Variants in KATNBL1 observed in about 807,000 individuals in gnomAD.
The protein encoded by KATNBL1 is KATNB1-like protein 1.
A neutral mutation model predicts 44.7 loss-of-function variants in KATNBL1; 28 were observed. The ratio of observed to expected loss-of-function variants is 0.63; its 90% CI spans 0.46 to 0.86. The LOEUF (loss-of-function observed/expected upper bound fraction) is 0.86, where lower values mean the gene tolerates loss of function less well. Ranked by LOEUF, KATNBL1 falls within the 40% of genes least tolerant of loss-of-function variation. The probability of loss-of-function intolerance (pLI) is 0.00; values close to 1 mark genes in which losing one functional copy is unlikely to be tolerated. For missense variants in KATNBL1, 272 were observed against 350.7 expected (o/e 0.78, Z 1.79); for synonymous variants, 78 against 114.9 (o/e 0.68, Z 2.06).
At chr15:34,142,528 G>T in intron 9 of KATNBL1, 157 bp from the exon 10 acceptor site, 1 of 707,860 alleles carries the variant, frequency 1.4e-6, no homozygotes, top group Non-Finnish European at 2.2e-6. Context: ...ATCTGCATTT[G>T]TTCAGCACAG....
At chr15:34,148,330 C>T (rs1888369765) in intron 5 of KATNBL1, 1 of 191,370 alleles carries the variant, frequency 5.2e-6, no homozygotes, top group Non-Finnish European at 1.1e-5. Context: ...TCTACTGAAG[C>T]TACATATAGG....
chr15:34,187,152 G>A (rs1170698195), intron 1 of KATNBL1, among the ~76,000 whole-genome samples: 1 of 152,182 alleles, frequency 6.6e-6, no homozygotes, highest in East Asian at 1.9e-4. Flanking sequence ...AGGAGTACCC[G>A]CTCCGCTGAA....
chr15:34,154,825 A>G lies in KATNBL1; in HGVS notation c.118-141T>C, dbSNP rs1888589304. ...GCCAATCGTGCCTGGAGTGGTCGCA[A>G]GAGCATACCGGGCATGGGAGGAGAA... On this transcript the variant is annotated intron_variant, in intron 2 of 9. Coordinates refer to ENST00000256544, the MANE Select transcript of KATNBL1 (RefSeq NM_024713.3). 5 of 642,898 alleles carry G rather than the reference A, an allele frequency of 7.8e-6. No homozygotes were observed. In the East Asian group the frequency reaches 1.4e-4, roughly 18 times the overall value. 39.8% of individuals were successfully genotyped at this position (642,898 alleles called of 1,614,324 possible).
rs543487040 is a variant in KATNBL1 at position 34,142,261 on chromosome 15, C to T, written c.*78G>A. On this transcript the variant is annotated 3_prime_UTR_variant, in exon 10 of 10. Coordinates refer to ENST00000256544, the MANE Select transcript of KATNBL1 (RefSeq NM_024713.3). The stretch of plus-strand genomic sequence containing the variant: ...TCTTCCACAGTTCACAGTTCTCAGA[C>T]GAGACTTTTTTTTTTTGTAAATTAT... 51 of 1,322,938 alleles carry T rather than the reference C, an allele frequency of 3.9e-5. No individual in the cohort carries two copies. The highest frequency in any genetic ancestry group is 1.3e-4 in the Admixed American group (4 of 30,556). The allele number at this position is 1,322,938 out of a possible 1,614,324, so 81.9% of individuals were successfully genotyped here.
chr15:34,207,102 T>C (rs1890315849), intron 1 of KATNBL1, among the ~76,000 whole-genome samples: 1 of 151,738 alleles, frequency 6.6e-6, no homozygotes. Flanking sequence ...TGCAGTGATA[T>C]GATCATGGCT....
At chr15:34,184,349 C>A (rs1293176185) in intron 1 of KATNBL1, among the ~76,000 whole-genome samples, 1 of 150,754 alleles carries the variant, frequency 6.6e-6, no homozygotes, top group East Asian at 2.0e-4. Flanking sequence ...CACCTGTGGT[C>A]TCAGCCACTC....
At chr15:34,176,385 A>T (rs1889333918) in intron 1 of KATNBL1, among the ~76,000 whole-genome samples, 2 of 152,200 alleles carry the variant, frequency 1.3e-5, no homozygotes, top group Admixed American at 1.3e-4. Flanking sequence ...TCTCAAAAAA[A>T]AAAAGTAGTA....
intron 9 of KATNBL1, among the ~76,000 whole-genome samples, chr15:34,144,195 C>T (rs1888241925): frequency 6.6e-6 from 1 of 151,604 alleles, no homozygotes; most frequent in Admixed American, 6.6e-5. Context: ...CTCCCATTTG[C>T]TTTTCTTCCC....
chr15:34,148,420 C>A, intron 5 of KATNBL1: 1 of 363,540 alleles, frequency 2.8e-6, no homozygotes, highest in African/African-American at 2.1e-5. Flanking sequence ...TCATGTCTTC[C>A]AAAAAATTTT....
intron 2 of KATNBL1, among the ~76,000 whole-genome samples, chr15:34,155,828 T>C (rs1048366309): frequency 3.3e-5 from 5 of 152,214 alleles, no homozygotes; most frequent in African/African-American, 1.2e-4. Context: ...TTTTTATTAA[T>C]TGTCACCCAC....
intron 1 of KATNBL1, among the ~76,000 whole-genome samples, chr15:34,189,434 A>G (rs533898698): frequency 2.0e-5 from 3 of 152,364 alleles, no homozygotes; most frequent in South Asian, 2.1e-4. Flanking sequence ...AATAAGTCTA[A>G]TAAGTCTCTC....
At chr15:34,193,628 G>C (rs1889949725) in intron 1 of KATNBL1, among the ~76,000 whole-genome samples, 1 of 151,906 alleles carries the variant, frequency 6.6e-6, no homozygotes, top group African/African-American at 2.4e-5. Flanking sequence ...AATGCAGTTG[G>C]GTCGCTTGAG....
At chr15:34,168,344 A>C (rs1889049587) in intron 1 of KATNBL1, among the ~76,000 whole-genome samples, 1 of 152,146 alleles carries the variant, frequency 6.6e-6, no homozygotes. Context: ...GACAAAGAAG[A>C]CCATTATATA....
chr15:34,181,404 G>A (rs972842395), intron 1 of KATNBL1, among the ~76,000 whole-genome samples: 1 of 151,320 alleles, frequency 6.6e-6, no homozygotes, highest in Non-Finnish European at 1.5e-5. Flanking sequence ...AAATATCGAA[G>A]ACATACTCTC....
chr15:34,187,542 A>T (rs1889750738), intron 1 of KATNBL1, among the ~76,000 whole-genome samples: 1 of 152,190 alleles, frequency 6.6e-6, no homozygotes, highest in Non-Finnish European at 1.5e-5. Context: ...TATAGTTTTC[A>T]TCTGAAATAC....
At chr15:34,169,605 C>T (rs1889095971) in intron 1 of KATNBL1, among the ~76,000 whole-genome samples, 1 of 152,152 alleles carries the variant, frequency 6.6e-6, no homozygotes, top group Non-Finnish European at 1.5e-5. Context: ...CAGCATCATC[C>T]TGATACCAAA....
In KATNBL1 at chr15:34,142,299, T is replaced by C; in HGVS notation, c.*40A>G. 1.3e-6 allele frequency: 2 copies of C among 1,572,962 alleles called. No homozygotes were observed. Among genetic ancestry groups the C allele is most frequent in the East Asian group, 4.5e-5 (2 of 44,242 alleles). ...TTTTGTAAATTATACAGTTCAGGGA[T>C]GTTTTGAAAAACCAAATGCTCTTTA... On this transcript the variant is annotated 3_prime_UTR_variant, in exon 10 of 10. Transcript: ENST00000256544.
intron 2 of KATNBL1, among the ~76,000 whole-genome samples, chr15:34,155,816 C>T (rs1317556589): frequency 6.6e-6 from 1 of 152,170 alleles, no homozygotes; most frequent in African/African-American, 2.4e-5. Context: ...ATCTAATCTA[C>T]GTTTTTATTA....
intron 1 of KATNBL1, chr15:34,208,874 A>C (rs1890359785): frequency 6.6e-6 from 1 of 152,260 alleles, no homozygotes; most frequent in Non-Finnish European, 1.5e-5. Context: ...ACAGAGTTAA[A>C]AGCGTGGAGC....
Sources: gnomAD v4.1 joint callset for allele counts (sites outside exome capture counted in the v4.1 genomes callset) on GRCh38, gnomAD v4.1.1 for gene constraint, MANE v1.5 for transcripts, NCBI Gene and HGNC (gene_info 2026-07-23, HGNC 2026-07-21) for gene names.